Variants in CPEB1 observed in about 807,000 individuals in gnomAD.
The protein encoded by CPEB1 is cytoplasmic polyadenylation element-binding protein 1.
In CPEB1, 7 loss-of-function variants were observed where a neutral mutation model predicts 65.8. That is an observed-to-expected ratio of 0.11 (90% CI 0.06 to 0.20). The LOEUF (loss-of-function observed/expected upper bound fraction) is 0.20, where lower values mean the gene tolerates loss of function less well. Among genes scored for constraint, CPEB1 ranks in the 10% least tolerant of loss-of-function variants. The pLI, the probability that CPEB1 is intolerant of heterozygous loss-of-function variation, is 1.00. For missense variants in CPEB1, 551 were observed against 712.2 expected (o/e 0.77, Z 2.58); for synonymous variants, 262 against 260.0 (o/e 1.01, Z -0.08).
chr15:82,592,393 G>A (rs1187107855), intron 3 of CPEB1, among the ~76,000 whole-genome samples: 3 of 151,478 alleles, frequency 2.0e-5, no homozygotes, highest in Non-Finnish European at 4.4e-5. Flanking sequence ...TTTGAGACCA[G>A]CCTAGGCTAC....
intron 5 of CPEB1, 162 bp downstream of exon 5, chr15:82,557,598 G>T: frequency 1.6e-6 from 1 of 626,856 alleles, no homozygotes; most frequent in Non-Finnish European, 2.8e-6. Flanking sequence ...TTAAGGATGA[G>T]AACTCTACAA....
At chr15:82,565,019 G>A (rs147489905) in intron 4 of CPEB1, among the ~76,000 whole-genome samples, 2 of 152,276 alleles carry the variant, frequency 1.3e-5, no homozygotes, top group African/African-American at 4.8e-5. Flanking sequence ...TAACACGTGG[G>A]ATGTCAGCAT....
intron 3 of CPEB1, among the ~76,000 whole-genome samples, chr15:82,580,474 A>C (rs2041172561): frequency 6.6e-6 from 1 of 152,216 alleles, no homozygotes; most frequent in Admixed American, 6.5e-5. Context: ...TGTAGATACC[A>C]AGTTAAATAT....
chr15:82,564,893 A>C (rs969679968), intron 4 of CPEB1, among the ~76,000 whole-genome samples: 6 of 152,128 alleles, frequency 3.9e-5, no homozygotes, highest in Admixed American at 6.5e-5. Flanking sequence ...GGAGCAAGAA[A>C]GAGTGTCTCA....
chr15:82,648,193 G>C, upstream of CPEB1: 1 of 307,656 alleles, frequency 3.3e-6, no homozygotes, highest in Non-Finnish European at 6.0e-6. Context: ...TGGGGGGCCA[G>C]AGACCTAAGC....
At chr15:82,648,224 G>A (rs1296920873), upstream of CPEB1, 1 of 258,980 alleles carries the variant, frequency 3.9e-6, no homozygotes, top group Non-Finnish European at 7.3e-6. Flanking sequence ...CATCACCTAA[G>A]TGACCCTTGC....
chr15:82,648,050 T>G (rs1026519879), upstream of CPEB1: 14 of 408,848 alleles, frequency 3.4e-5, no homozygotes, highest in Non-Finnish European at 5.3e-5. Context: ...GGAGCACCTG[T>G]GTCGGCCCCG....
intron 4 of CPEB1, among the ~76,000 whole-genome samples, chr15:82,558,212 G>A (rs985442470): frequency 6.6e-6 from 1 of 152,226 alleles, no homozygotes; most frequent in Non-Finnish European, 1.5e-5. Flanking sequence ...AGTTCCTGCT[G>A]TTACAATAGC....
At chr15:82,571,298 C>A (rs1347713405) in intron 4 of CPEB1, 46 bp downstream of exon 4, 1 of 1,578,734 alleles carries the variant, frequency 6.3e-7, no homozygotes, top group African/African-American at 1.4e-5. Flanking sequence ...CGTTCACCAC[C>A]CCCATGCATC....
intron 4 of CPEB1, among the ~76,000 whole-genome samples, chr15:82,560,400 G>GT (rs548856094): frequency 0.32 from 42,524 of 134,306 alleles, 7,064 homozygotes; most frequent in Non-Finnish European, 0.39. Context: ...ATTGTCATTT[G>GT]TTTTTTTTTT....
chr15:82,554,080 C>G, intron 6 of CPEB1, 89 bp from the exon 7 acceptor site: 1 of 710,934 alleles, frequency 1.4e-6, no homozygotes, highest in Non-Finnish European at 2.4e-6. Flanking sequence ...CCAGTAAGAA[C>G]CTGACTGGCC....
At chr15:82,602,475 G>C (rs575909563) in intron 3 of CPEB1, among the ~76,000 whole-genome samples, 1 of 152,242 alleles carries the variant, frequency 6.6e-6, no homozygotes, top group African/African-American at 2.4e-5. Context: ...CTTGAGCCCA[G>C]GAGTTTGAGG....
chr15:82,547,595 A>C (rs1056200195), intron 10 of CPEB1, among the ~76,000 whole-genome samples: 1 of 151,834 alleles, frequency 6.6e-6, no homozygotes, highest in African/African-American at 2.4e-5. Context: ...AGCCTGCCCT[A>C]ATGCTACTCT....
intron 1 of CPEB1, among the ~76,000 whole-genome samples, chr15:82,645,759 A>G (rs1378900398): frequency 1.3e-5 from 2 of 151,982 alleles, no homozygotes; most frequent in Non-Finnish European, 2.9e-5. Flanking sequence ...TCCTAGCTAC[A>G]CAGGAGGCTG....
At chr15:82,576,974 G>T (rs973333131) in intron 3 of CPEB1, among the ~76,000 whole-genome samples, 1 of 152,148 alleles carries the variant, frequency 6.6e-6, no homozygotes, top group African/African-American at 2.4e-5. Flanking sequence ...GCAGTGAGCT[G>T]AGACCACGCC....
At chr15:82,553,611 A>C in intron 7 of CPEB1, 55 bp from the exon 8 acceptor site, 1 of 1,293,374 alleles carries the variant, frequency 7.7e-7, no homozygotes, top group Non-Finnish European at 1.1e-6. Flanking sequence ...TTCCCAGTAA[A>C]GACACAAACA....
chr15:82,562,392 G>C, intron 4 of CPEB1: 2 of 300,268 alleles, frequency 6.7e-6, no homozygotes, highest in Non-Finnish European at 1.3e-5. Context: ...ATCAGAATCT[G>C]CATTTTTAAA....
chr15:82,595,970 C>T (rs890205490), intron 3 of CPEB1, among the ~76,000 whole-genome samples: 1 of 152,064 alleles, frequency 6.6e-6, no homozygotes, highest in East Asian at 1.9e-4. Flanking sequence ...CTAGAGGGGG[C>T]CGAGGGACAT....
chr15:82,635,879 G>A (rs541169950), intron 1 of CPEB1, among the ~76,000 whole-genome samples: 1 of 152,264 alleles, frequency 6.6e-6, no homozygotes, highest in East Asian at 1.9e-4. Context: ...CAGAGAACAA[G>A]CACAGAGAGG....
Sources: allele counts gnomAD v4.1 joint callset (sites outside exome capture counted in the v4.1 genomes callset), GRCh38; gene constraint gnomAD v4.1.1; transcripts MANE v1.5; gene names NCBI Gene and HGNC (gene_info 2026-07-23, HGNC 2026-07-21).